Variants in ARHGAP32 observed in about 807,000 individuals in gnomAD.
ARHGAP32 encodes the protein Rho GTPase activating protein 32, also known as rho GTPase-activating protein 32.
In ARHGAP32, 51 loss-of-function variants were observed where a neutral mutation model predicts 186.5. That is an observed-to-expected ratio of 0.27 (90% CI 0.22 to 0.35). ARHGAP32 has a LOEUF of 0.35. Ranked by LOEUF, ARHGAP32 falls within the 10% of genes least tolerant of loss-of-function variation. ARHGAP32 has a pLI of 1.00. For synonymous variants in ARHGAP32, 950 were observed against 964.3 expected, an observed-to-expected ratio of 0.99 and a Z score of 0.27; for missense variants, 2,186 against 2,623.5, an observed-to-expected ratio of 0.83 and a Z score of 3.64.
At chr11:129,229,167 T>C (rs751481498) in intron 1 of ARHGAP32, among the ~76,000 whole-genome samples, 1 of 152,218 alleles carries the variant, frequency 6.6e-6, no homozygotes, top group African/African-American at 2.4e-5. Flanking sequence ...TTGTCAAATA[T>C]AGGCTTTTAA....
rs2135606539 is a variant in ARHGAP32, at chr11:129,219,388, G to A, written c.-4-54961C>T. 1.3e-5 allele frequency among the ~76,000 whole-genome samples: 2 copies of A among 152,236 alleles called. 1 individual carries two copies. Among genetic ancestry groups the A allele is most frequent in the East Asian group, 3.9e-4 (2 of 5,184 alleles). Reference sequence around the variant, plus strand: ...AAAGCATATCTTTTCCTTCCATTCTGTTTTACTGAGTTCAAGCTGAGACAC... The same window carrying A: ...AAAGCATATCTTTTCCTTCCATTCTATTTTACTGAGTTCAAGCTGAGACAC... On this transcript the variant is annotated intron_variant, in intron 1 of 6. Coordinates refer to the ARHGAP32 transcript ENST00000525234.
At chr11:129,243,580 C>T (rs1418572856) in intron 1 of ARHGAP32, among the ~76,000 whole-genome samples, 1 of 152,190 alleles carries the variant, frequency 6.6e-6, no homozygotes, top group Non-Finnish European at 1.5e-5. Context: ...CATCAAGTCA[C>T]AAGAACCTTC....
intron 1 of ARHGAP32, among the ~76,000 whole-genome samples, chr11:129,222,396 C>A (rs1251715638): frequency 6.6e-6 from 1 of 152,090 alleles, no homozygotes; most frequent in East Asian, 1.9e-4. Context: ...AGTAAAAAAG[C>A]CGGAGAACTT....
At position 129,040,946 on chromosome 11, in the gene ARHGAP32, T is replaced by C; in HGVS notation, c.1027A>G (p.Asn343Asp). The change falls in exon 11 of 23, where the codon AAC becomes GAC. Residue 343 changes from asparagine to aspartate, a missense_variant. Asn to Asp is a conservative substitution (Grantham distance 23). This residue lies in a region of ARHGAP32 where 308 missense variants were observed against 596.5 expected (regional missense o/e 0.52). Transcript: ENST00000682385. ...INQKVPQSVTNSVPKPVSKKH... is the reference protein window; with the variant it reads ...INQKVPQSVTDSVPKPVSKKH... ...TACTCACCTGGTTTTGGCACTGAGT[T>C]GGTCACTGACTGGGGAACTTTTTGG... The C allele has an allele frequency of 1.2e-6, 2 of 1,606,364 alleles. No homozygotes were observed. Among genetic ancestry groups the C allele is most frequent in the Non-Finnish European group, 1.7e-6 (2 of 1,176,264 alleles).
At chr11:129,075,186 G>T (rs1940998629) in intron 6 of ARHGAP32, among the ~76,000 whole-genome samples, 1 of 152,118 alleles carries the variant, frequency 6.6e-6, no homozygotes, top group South Asian at 2.1e-4. Context: ...AACATCAGTG[G>T]TCTAACATAC....
chr11:129,189,373 G>A (rs1287607467), intron 1 of ARHGAP32, among the ~76,000 whole-genome samples: 1 of 152,098 alleles, frequency 6.6e-6, no homozygotes, highest in Non-Finnish European at 1.5e-5. Context: ...TGCTTTATAG[G>A]AGTGATAAGC....
At chr11:129,086,539 T>C (rs1941398766) in intron 6 of ARHGAP32, among the ~76,000 whole-genome samples, 1 of 152,128 alleles carries the variant, frequency 6.6e-6, no homozygotes, top group Non-Finnish European at 1.5e-5. Flanking sequence ...GACACACTGA[T>C]GGCCGGGCAT....
chr11:129,044,744 T>C (rs1939739112), intron 10 of ARHGAP32, among the ~76,000 whole-genome samples: 1 of 152,182 alleles, frequency 6.6e-6, no homozygotes, highest in Admixed American at 6.5e-5. Flanking sequence ...CTCACCCATT[T>C]ACTAGGTTCT....
intron 1 of ARHGAP32, among the ~76,000 whole-genome samples, chr11:129,238,678 G>T (rs1319665468): frequency 6.6e-6 from 1 of 151,790 alleles, no homozygotes; most frequent in East Asian, 1.9e-4. Context: ...AGGAGTTCCA[G>T]GGCAGCCTGG....
chr11:129,226,182 TAC>T (rs913084547), intron 1 of ARHGAP32, among the ~76,000 whole-genome samples: 1 of 152,020 alleles, frequency 6.6e-6, no homozygotes, highest in Non-Finnish European at 1.5e-5. Flanking sequence ...CTTGCATACA[TAC>T]AGTGAGAGGG....
rs150340160 is a variant in ARHGAP32, at chr11:128,970,458, G to A, written c.4755C>T (p.Pro1585=). ...TGGTAGGGTACGGTGGAATGTCTTC[G>A]GGGTAACAGGTATTCCTGACAGAGG... The part of the protein sequence containing the change: ...LSSSVRNTCY[P]EDIPPYPTIR... Residue 1585 remains proline, a synonymous_variant, in exon 23 of 23, where the codon CCC becomes CCT. Transcript: ENST00000682385. The surrounding 1 kb of genome is among the most constrained non-coding windows in gnomAD (Gnocchi z 5.8). 3.1e-5 allele frequency: 50 copies of A among 1,614,106 alleles called. No individual in the cohort carries two copies. Among genetic ancestry groups the A allele is most frequent in the African/African-American group, 5.3e-5 (4 of 75,004 alleles).
intron 1 of ARHGAP32, among the ~76,000 whole-genome samples, chr11:129,257,208 T>C (rs554330062): frequency 6.6e-6 from 1 of 152,316 alleles, no homozygotes; most frequent in East Asian, 1.9e-4. Context: ...TGCTATACCA[T>C]GGTGTGCACT....
chr11:129,049,356 T>G lies in ARHGAP32; in HGVS notation c.964-8347A>C, dbSNP rs557700687. On this transcript the variant is annotated intron_variant, in intron 10 of 22. Coordinates refer to ENST00000682385, the MANE Select transcript of ARHGAP32 (RefSeq NM_001378024.1). ...TGCATGAACAACATGAAGTCAAGAA[T>G]GCTCCTGCAGTTTTTGCTTCCACCT... Among the ~76,000 whole-genome samples the G allele has an allele frequency of 3.3e-5, 5 of 152,334 alleles. No homozygotes were observed. The East Asian group carries it at 9.6e-4, about 29-fold the overall frequency.
At chr11:129,015,917 C>T (rs572988184) in intron 11 of ARHGAP32, among the ~76,000 whole-genome samples, 2 of 152,184 alleles carry the variant, frequency 1.3e-5, no homozygotes, top group East Asian at 3.9e-4. Context: ...CTGGCACTCA[C>T]GTTTAGGAGG....
chr11:129,232,760 C>T (rs976499792), intron 1 of ARHGAP32, among the ~76,000 whole-genome samples: 8 of 152,108 alleles, frequency 5.3e-5, no homozygotes, highest in Non-Finnish European at 7.4e-5. Context: ...CAGACCAGGG[C>T]CACTCTCTGC....
At chr11:129,253,115 C>T (rs1945208015) in intron 1 of ARHGAP32, among the ~76,000 whole-genome samples, 1 of 152,166 alleles carries the variant, frequency 6.6e-6, no homozygotes, top group African/African-American at 2.4e-5. Context: ...AAAAGTATAA[C>T]TCTACAGATC....
At position 129,040,964 on chromosome 11, in the gene ARHGAP32, CT is replaced by C; in HGVS notation, c.1008del (p.Val337PhefsTer5). 1.2e-6 allele frequency: 2 copies of C among 1,606,664 alleles called. No homozygotes were observed. The highest frequency in any genetic ancestry group is 1.1e-5 in the South Asian group (1 of 89,058). Reference sequence around the variant, plus strand: ...ACTGAGTTGGTCACTGACTGGGGAACTTTTTGGTTAATTAACTCAACACAGT... The same window carrying C: ...ACTGAGTTGGTCACTGACTGGGGAACTTTTGGTTAATTAACTCAACACAGT... ...PGHCVELINQ[K>X]VPQSVTNSVP... On this transcript the variant is annotated frameshift_variant, in exon 11 of 23. Coordinates refer to ENST00000682385, the MANE Select transcript of ARHGAP32 (RefSeq NM_001378024.1). LOFTEE classifies it high-confidence loss of function.
intron 10 of ARHGAP32, among the ~76,000 whole-genome samples, chr11:129,042,736 A>G (rs1939646111): frequency 6.6e-6 from 1 of 152,238 alleles, no homozygotes; most frequent in Non-Finnish European, 1.5e-5. Flanking sequence ...AGTCTTTGCA[A>G]TAAACTGTCA....
intron 11 of ARHGAP32, among the ~76,000 whole-genome samples, chr11:129,006,855 G>T (rs1180944038): frequency 6.6e-6 from 1 of 152,204 alleles, no homozygotes; most frequent in Non-Finnish European, 1.5e-5. Flanking sequence ...CAGAGATGTT[G>T]TCCAGGAGCC....
Sources: allele counts gnomAD v4.1 joint callset (sites outside exome capture counted in the v4.1 genomes callset), GRCh38; gene constraint gnomAD v4.1.1; regional missense constraint gnomAD v4.1.1; non-coding constraint Gnocchi (gnomAD v3.1); transcripts MANE v1.5; gene names NCBI Gene and HGNC (gene_info 2026-07-23, HGNC 2026-07-21).